CAND2: variants seen among roughly 807,000 people sequenced by gnomAD.
The protein encoded by CAND2 is cullin-associated NEDD8-dissociated protein 2.
CAND2 carries 62 observed loss-of-function variants against 98.9 expected under a neutral mutation model. That is an observed-to-expected ratio of 0.63 (90% CI 0.51 to 0.77). CAND2 has a LOEUF of 0.77. Among genes scored for constraint, CAND2 ranks in the 30% least tolerant of loss-of-function variants. CAND2 has a pLI of 0.00. For missense variants in CAND2, 1,501 were observed against 1,655.2 expected (o/e 0.91, Z 1.62); for synonymous variants, 770 against 731.9 (o/e 1.05, Z -0.84).
Position 12,816,529 on chromosome 3 carries a change from T to C in CAND2, c.1597T>C (p.Ser533Pro), listed in dbSNP as rs3732675. 0.58 allele frequency: 934,217 copies of C among 1,613,766 alleles called. 278,019 individuals carry two copies. Among genetic ancestry groups the C allele is most frequent in the African/African-American group, 0.9 (67,392 of 75,046 alleles). ...LPPVMACVAD[S>P]FYKIAAEALV... ...ACCTGTGATGGCCTGTGTGGCTGAC[T>C]CTTTCTACAAGATTGCAGCCGAGGC... The change falls in exon 10 of 15, where the codon TCT becomes CCT. Residue 533 changes from serine to proline, a missense_variant. Coordinates refer to ENST00000456430, the MANE Select transcript of CAND2 (RefSeq NM_001162499.2).
In CAND2 at chr3:12,816,591, G is replaced by A; in HGVS notation, c.1659G>A (p.Trp553Ter). ...VVLQELVRAL[W>*]PLHRPRMLDP... Reference sequence around the variant, plus strand: ...TGCAGGAGCTGGTGCGGGCCCTGTGGCCGCTGCACAGGCCTCGGATGCTGG... The same window carrying A: ...TGCAGGAGCTGGTGCGGGCCCTGTGACCGCTGCACAGGCCTCGGATGCTGG... The change falls in exon 10 of 15, where the codon TGG (tryptophan) becomes TGA (stop). Residue 553 changes from tryptophan (W) to a stop codon, truncating the protein, a stop_gained. Transcript: ENST00000456430. LOFTEE classifies it high-confidence loss of function. The A allele has an allele frequency of 6.2e-7, 1 of 1,613,892 alleles. No homozygotes were observed. The highest frequency in any genetic ancestry group is 8.5e-7 in the Non-Finnish European group (1 of 1,180,014).
chr3:12,834,061 C>A lies in CAND2; in HGVS notation c.*79C>A. 1 of 1,179,612 alleles carries A rather than the reference C, an allele frequency of 8.5e-7. No individual in the cohort carries two copies. Among genetic ancestry groups the A allele is most frequent in the Non-Finnish European group, 1.2e-6 (1 of 803,730 alleles). 73.1% of individuals were successfully genotyped at this position (1,179,612 alleles called of 1,614,324 possible). A position where few individuals can be genotyped will look rare whatever the true frequency, so the allele number is the denominator to read the frequency against. ...CCGAGGCCTCCCCATCCCACCATCG[C>A]AGGTCTCTACTTTTGCCCTTCCACC... is the stretch of plus-strand genomic sequence containing the variant. On this transcript the variant is annotated 3_prime_UTR_variant, in exon 15 of 15. Coordinates refer to ENST00000456430, the MANE Select transcript of CAND2 (RefSeq NM_001162499.2).
chr3:12,810,086 C>T lies in CAND2; in HGVS notation c.519C>T (p.His173=), dbSNP rs1373707749. ...SRLGVPLGAF[H]ASLLHCLLPQ... is the part of the protein sequence containing the mutation. The stretch of plus-strand genomic sequence containing the variant: ...TGGGTGTCCCGCTGGGCGCCTTCCA[C>T]GCCAGCCTCCTGCACTGTCTGCTGC... The change falls in exon 5 of 15, where the codon CAC becomes CAT. Residue 173 remains histidine, a synonymous_variant. Transcript: ENST00000456430. 6 of 1,448,786 alleles carry T rather than the reference C, an allele frequency of 4.1e-6. No homozygotes were observed. The East Asian group carries it at 8.5e-5, about 20-fold the overall frequency. The allele number at this position is 1,448,786 out of a possible 1,614,324, so 89.7% of individuals were successfully genotyped here. A position where few individuals can be genotyped will look rare whatever the true frequency, so the allele number is the denominator to read the frequency against.
rs559996084 is a variant in CAND2, at chr3:12,798,780, C to T, written c.68+1992C>T. 2.0e-5 allele frequency among the ~76,000 whole-genome samples: 3 copies of T among 152,292 alleles called. No individual in the cohort carries two copies. In the South Asian group the frequency reaches 6.2e-4, roughly 32 times the overall value. The stretch of plus-strand genomic sequence containing the variant: ...CACCCCAAGCATGTGAGAATGGTGT[C>T]TATTTTTAAAGTCCGAATACCAGGG... On this transcript the variant is annotated intron_variant, in intron 1 of 14. Coordinates refer to ENST00000456430, the MANE Select transcript of CAND2 (RefSeq NM_001162499.2).
intron 9 of CAND2, 49 bp from the exon 10 acceptor site, chr3:12,816,325 G>T: frequency 6.5e-7 from 1 of 1,542,670 alleles, no homozygotes; most frequent in Non-Finnish European, 8.8e-7. Context: ...AGGGAGGGCC[G>T]TGTTGCATCA....
rs2061905068 is a variant in CAND2, at chr3:12,816,601, A to G, written c.1669A>G (p.Arg557Gly). ...ELVRALWPLHRPRMLDPEPYV... is the reference protein window; with the variant it reads ...ELVRALWPLHGPRMLDPEPYV... ...GGTGCGGGCCCTGTGGCCGCTGCAC[A>G]GGCCTCGGATGCTGGATCCTGAGCC... Residue 557 changes from arginine to glycine, a missense_variant, in exon 10 of 15, where the codon AGG (arginine) becomes GGG (glycine). Around this residue, in one of 3 missense-constraint regions of CAND2, gnomAD observed 1,427 missense variants for 1,545.3 expected, o/e 0.92. Transcript: ENST00000456430. 4.3e-6 allele frequency: 7 copies of G among 1,613,858 alleles called. 1 individual carries two copies. The highest frequency in any genetic ancestry group is 3.3e-5 in the South Asian group (3 of 91,084).
chr3:12,828,348 T>C (rs1575782478), intron 13 of CAND2, among the ~76,000 whole-genome samples: 3 of 150,396 alleles, frequency 2.0e-5, no homozygotes, highest in African/African-American at 7.4e-5. Context: ...TTTTTTTTTT[T>C]TTTTTTTGAG....
Position 12,820,133 on chromosome 3 carries a change from ATC to A in CAND2, c.2995_2996del (p.Ser999GlyfsTer7). On this transcript the variant is annotated frameshift_variant, in exon 11 of 15. Coordinates refer to ENST00000456430, the MANE Select transcript of CAND2 (RefSeq NM_001162499.2). LOFTEE classifies it high-confidence loss of function. ...CGTCATCACAGCGGTCAAGTTCCTT[ATC>A]TCGGACCAGCCCCATCCCATTGACC... is the stretch of plus-strand genomic sequence containing the variant. ...STVITAVKFL[I>X]SDQPHPIDPL... is the part of the protein sequence containing the mutation. The A allele has an allele frequency of 6.2e-7, 1 of 1,614,096 alleles. No individual in the cohort carries two copies. Among genetic ancestry groups the A allele is most frequent in the Non-Finnish European group, 8.5e-7 (1 of 1,180,008 alleles).
chr3:12,808,421 A>G, intron 4 of CAND2, 88 bp downstream of exon 4: 1 of 1,421,376 alleles, frequency 7.0e-7, no homozygotes, highest in East Asian at 2.5e-5. Context: ...CCTACTGCAC[A>G]CCAGGCCCTG....
intron 10 of CAND2, 30 bp downstream of exon 10, chr3:12,817,906 C>T (rs753667733): frequency 6.8e-7 from 1 of 1,481,118 alleles, no homozygotes; most frequent in South Asian, 1.5e-5. Flanking sequence ...CAAGGCAGCC[C>T]ACCTCGGAGG....
chr3:12,823,225 GGTTT>G (rs150121664), intron 11 of CAND2, among the ~76,000 whole-genome samples: 3,007 of 152,252 alleles, frequency 0.02, 88 homozygotes, highest in African/African-American at 0.068. Context: ...GAAGTGGCTT[GGTTT>G]GTTCTCTCCT....
At chr3:12,801,912 G>A (rs1319838465) in intron 1 of CAND2, among the ~76,000 whole-genome samples, 1 of 152,206 alleles carries the variant, frequency 6.6e-6, no homozygotes, top group Admixed American at 6.5e-5. Context: ...GAGATCCACT[G>A]CTCTAAGGGC....
chr3:12,833,546 A>G (rs570947687), intron 14 of CAND2, among the ~76,000 whole-genome samples: 2 of 152,334 alleles, frequency 1.3e-5, no homozygotes, highest in African/African-American at 4.8e-5. Flanking sequence ...TTGAATGGCA[A>G]AGAACCTCTG....
chr3:12,823,768 AC>A (rs2061978242), intron 11 of CAND2, among the ~76,000 whole-genome samples: 1 of 151,444 alleles, frequency 6.6e-6, no homozygotes, highest in Admixed American at 6.6e-5. Flanking sequence ...GTGGTGGCAC[AC>A]GCCTATAATC....
intron 2 of CAND2, among the ~76,000 whole-genome samples, chr3:12,805,775 C>G (rs2061802066): frequency 6.6e-6 from 1 of 152,148 alleles, no homozygotes; most frequent in Non-Finnish European, 1.5e-5. Flanking sequence ...TATAGAAAGG[C>G]CTTTTGCCTA....
rs2061884772 is a variant in CAND2 at position 12,815,030 on chromosome 3, C to G, written c.1007-111C>G. 1.8e-6 allele frequency: 2 copies of G among 1,101,524 alleles called. No individual in the cohort carries two copies. The highest frequency in any genetic ancestry group is 3.1e-5 in the African/African-American group (2 of 64,068). The allele number at this position is 1,101,524 out of a possible 1,614,324, so 68.2% of individuals were successfully genotyped here. On this transcript the variant is annotated intron_variant, in intron 7 of 14. Transcript: ENST00000456430. The surrounding 1 kb of genome is among the most constrained non-coding windows in gnomAD (Gnocchi z 5.7). ...TAGGGTATCTATAAATGCTGATCAT[C>G]AAAAAGTGAAGCACAGTGCCCAGCT... is the stretch of plus-strand genomic sequence containing the variant.
chr3:12,809,999 G>T, intron 4 of CAND2, 60 bp from the exon 5 acceptor site: 1 of 1,388,070 alleles, frequency 7.2e-7, no homozygotes, highest in African/African-American at 1.5e-5. Flanking sequence ...GAGAGGGGCG[G>T]AGCCTGGCCC....
At chr3:12,812,558 C>T (rs949502511) in intron 5 of CAND2, among the ~76,000 whole-genome samples, 6 of 151,906 alleles carry the variant, frequency 3.9e-5, no homozygotes, top group Non-Finnish European at 7.4e-5. Flanking sequence ...GCGCCCGCCA[C>T]CGCGCCCGGC....
chr3:12,798,076 A>G (rs1269545222), intron 1 of CAND2, among the ~76,000 whole-genome samples: 1 of 145,548 alleles, frequency 6.9e-6, no homozygotes, highest in Non-Finnish European at 1.5e-5. Flanking sequence ...TTTCTATAAA[A>G]TGGGGATAAC....
Sources: allele counts gnomAD v4.1 joint callset (sites outside exome capture counted in the v4.1 genomes callset), GRCh38; gene constraint gnomAD v4.1.1; regional missense constraint gnomAD v4.1.1; non-coding constraint Gnocchi (gnomAD v3.1); transcripts MANE v1.5; gene names NCBI Gene and HGNC (gene_info 2026-07-23, HGNC 2026-07-21).